Variants in RERG observed in about 807,000 individuals in gnomAD.
RERG encodes the protein ras-related and estrogen-regulated growth inhibitor.
A neutral mutation model predicts 23.2 loss-of-function variants in RERG; 25 were observed. The ratio of observed to expected loss-of-function variants is 1.08; its 90% CI spans 0.79 to 1.50. The LOEUF (loss-of-function observed/expected upper bound fraction) is 1.50, where lower values mean the gene tolerates loss of function less well. Ranked by LOEUF, RERG falls within the 40% of genes most tolerant of loss-of-function variation. The pLI, the probability that RERG is intolerant of heterozygous loss-of-function variation, is 0.00. For synonymous variants in RERG, 81 were observed against 89.1 expected, an observed-to-expected ratio of 0.91 and a Z score of 0.51; for missense variants, 253 against 250.1, an observed-to-expected ratio of 1.01 and a Z score of -0.08.
chr12:15,178,709 C>T (rs559717608), intron 2 of RERG, among the ~76,000 whole-genome samples: 4 of 152,274 alleles, frequency 2.6e-5, no homozygotes, highest in Admixed American at 2.6e-4. Context: ...GAGAGTTTGA[C>T]TCCTACGAAC....
At chr12:15,192,199 C>T (rs940014446) in intron 2 of RERG, among the ~76,000 whole-genome samples, 11 of 152,114 alleles carry the variant, frequency 7.2e-5, no homozygotes, top group Non-Finnish European at 1.0e-4. Context: ...TACAAGTGTG[C>T]GGCATTTCGC....
chr12:15,136,263 TCTG>T (rs2136099014), intron 2 of RERG, among the ~76,000 whole-genome samples: 1 of 152,216 alleles, frequency 6.6e-6, no homozygotes, highest in Non-Finnish European at 1.5e-5. Flanking sequence ...CTCTGTCATT[TCTG>T]CTGTTAGTAA....
At chr12:15,177,409 C>A (rs1414443085) in intron 2 of RERG, among the ~76,000 whole-genome samples, 5 of 152,150 alleles carry the variant, frequency 3.3e-5, no homozygotes, top group African/African-American at 1.2e-4. Flanking sequence ...GCCAAGATCA[C>A]ACCATTGCAC....
intron 2 of RERG, among the ~76,000 whole-genome samples, chr12:15,149,611 G>C (rs972145366): frequency 1.3e-5 from 2 of 152,136 alleles, no homozygotes; most frequent in Admixed American, 6.5e-5. Context: ...AGAGGGTGGA[G>C]ACTTTAATGA....
chr12:15,168,728 T>C (rs369049455), intron 2 of RERG, among the ~76,000 whole-genome samples: 1 of 152,214 alleles, frequency 6.6e-6, no homozygotes, highest in South Asian at 2.1e-4. Flanking sequence ...CAACTCGCCA[T>C]GATAATCCTA....
intron 2 of RERG, among the ~76,000 whole-genome samples, chr12:15,124,022 C>T (rs955927757): frequency 6.6e-6 from 1 of 152,096 alleles, no homozygotes; most frequent in Non-Finnish European, 1.5e-5. Context: ...TCTTCATCAT[C>T]TGTGGTTCTG....
At chr12:15,112,000 T>C (rs951182875) in intron 3 of RERG, among the ~76,000 whole-genome samples, 22 of 152,164 alleles carry the variant, frequency 1.4e-4, no homozygotes, top group African/African-American at 4.3e-4. Context: ...GAAGATTCCA[T>C]TTTATTTTTC....
intron 2 of RERG, among the ~76,000 whole-genome samples, chr12:15,156,157 A>G (rs556973156): frequency 6.6e-6 from 1 of 152,314 alleles, no homozygotes; most frequent in East Asian, 1.9e-4. Flanking sequence ...GACGAAAAAT[A>G]ACATTTTGAG....
At chr12:15,186,419 T>C (rs1419627719) in intron 2 of RERG, among the ~76,000 whole-genome samples, 2 of 152,088 alleles carry the variant, frequency 1.3e-5, no homozygotes, top group Non-Finnish European at 2.9e-5. Flanking sequence ...TTAATTCTAA[T>C]GTTTTAAATT....
intron 1 of RERG, among the ~76,000 whole-genome samples, chr12:15,220,502 A>C (rs534040694): frequency 6.6e-6 from 1 of 152,296 alleles, no homozygotes; most frequent in South Asian, 2.1e-4. Context: ...TGTTAGACCT[A>C]TGATATTTAG....
rs141733438 is a variant in RERG at position 15,127,529 on chromosome 12, G to C, written c.62-6410C>G. Among the ~76,000 whole-genome samples, 1,209 of 152,200 alleles carry C rather than the reference G, an allele frequency of 7.9e-3. 18 individuals are homozygous for C. The highest frequency in any genetic ancestry group is 8.0e-3 in the Non-Finnish European group (541 of 67,992). On this transcript the variant is annotated intron_variant, in intron 2 of 4. Coordinates refer to ENST00000256953, the MANE Select transcript of RERG (RefSeq NM_032918.3). ...AGACCCATCACTCTTACTCTCCTAGGCCAGAGGAATTGCTACCCCTGACCT... is the reference window on the plus strand; with the variant it reads ...AGACCCATCACTCTTACTCTCCTAGCCCAGAGGAATTGCTACCCCTGACCT...
intron 2 of RERG, among the ~76,000 whole-genome samples, chr12:15,152,849 T>C (rs1363424026): frequency 6.6e-6 from 1 of 152,188 alleles, no homozygotes; most frequent in African/African-American, 2.4e-5. Context: ...ATGAATTCTT[T>C]CATCATAGTA....
intron 2 of RERG, among the ~76,000 whole-genome samples, chr12:15,140,425 AAC>A (rs1257547305): frequency 4.6e-5 from 7 of 152,200 alleles, no homozygotes; most frequent in Admixed American, 3.9e-4. Flanking sequence ...TCATTTGAAT[AAC>A]AGTTATAATT....
intron 2 of RERG, among the ~76,000 whole-genome samples, chr12:15,149,992 T>C (rs111706410): frequency 2.6e-5 from 4 of 152,154 alleles, no homozygotes; most frequent in Non-Finnish European, 4.4e-5. Context: ...CATTTGCATA[T>C]GCAGGGTATA....
At chr12:15,199,720 C>T (rs1439059918) in intron 2 of RERG, among the ~76,000 whole-genome samples, 1 of 151,948 alleles carries the variant, frequency 6.6e-6, no homozygotes, top group Non-Finnish European at 1.5e-5. Context: ...CATCAAATAA[C>T]AGCGGGGATT....
In RERG at chr12:15,111,344, C is replaced by T; in HGVS notation, c.192G>A (p.Gln64=). The T allele has an allele frequency of 6.2e-7, 1 of 1,603,820 alleles. No homozygotes were observed. Among genetic ancestry groups the T allele is most frequent in the Non-Finnish European group, 8.5e-7 (1 of 1,172,756 alleles). Residue 64 remains glutamine (Q), a splice_region_variant and synonymous_variant, in exon 4 of 5, where the codon CAG becomes CAA. Transcript: ENST00000256953. ...TATTTTAGCTGAACTCTTTATTCAC[C>T]TGACCAGCAGTGTCTAGTATCTCCA... ...VSMEILDTAG[Q]EDTIQREGHM...
chr12:15,192,890 G>A (rs904220796), intron 2 of RERG, among the ~76,000 whole-genome samples: 1 of 152,182 alleles, frequency 6.6e-6, no homozygotes, highest in African/African-American at 2.4e-5. Flanking sequence ...GAATGCCAGA[G>A]AAGTGACGTG....
intron 2 of RERG, among the ~76,000 whole-genome samples, chr12:15,121,929 G>C (rs1391891175): frequency 6.6e-6 from 1 of 152,076 alleles, no homozygotes; most frequent in Admixed American, 6.6e-5. Context: ...CTGGAGAAAA[G>C]CATGGAAATA....
chr12:15,155,080 GA>G (rs1260666152), intron 2 of RERG: 1 of 151,924 alleles, frequency 6.6e-6, no homozygotes, highest in Non-Finnish European at 1.5e-5. Context: ...ATTCAGACTG[GA>G]AAAAACTAAA....
Sources: allele counts gnomAD v4.1 joint callset (sites outside exome capture counted in the v4.1 genomes callset), GRCh38; gene constraint gnomAD v4.1.1; transcripts MANE v1.5; gene names NCBI Gene and HGNC (gene_info 2026-07-23, HGNC 2026-07-21).